Variants in ZNF804B observed in about 807,000 individuals in gnomAD.
The protein encoded by ZNF804B is zinc finger 804B.
Under a neutral mutation model 101.4 loss-of-function variants are expected in ZNF804B, and 80 were observed. The ratio of observed to expected loss-of-function variants is 0.79; its 90% CI spans 0.66 to 0.95. The LOEUF is 0.95. Among genes scored for constraint, ZNF804B ranks in the 40% least tolerant of loss-of-function variants. The pLI is 0.00. For missense variants in ZNF804B, 1,673 were observed against 1,561.9 expected, an observed-to-expected ratio of 1.07 and a Z score of -1.20; for synonymous variants, 622 against 558.8, an observed-to-expected ratio of 1.11 and a Z score of -1.59.
At chr7:89,252,761 C>A (rs571875643) in intron 2 of ZNF804B, among the ~76,000 whole-genome samples, 1 of 152,250 alleles carries the variant, frequency 6.6e-6, no homozygotes, top group Non-Finnish European at 1.5e-5. Context: ...AGACCATTAT[C>A]CTAAACGAAT....
Position 88,772,088 on chromosome 7 carries a change from A to G in ZNF804B, c.108+12004A>G, listed in dbSNP as rs77186308. The stretch of plus-strand genomic sequence containing the variant: ...ATAAAGCCCAAACAATGCTGATTTA[A>G]ATGAATTTAAATAGATTTAAAGAAT... On this transcript the variant is annotated intron_variant, in intron 1 of 3. Transcript: ENST00000333190. 7.4e-4 allele frequency among the ~76,000 whole-genome samples: 113 copies of G among 152,262 alleles called. 2 individuals carry two copies. The East Asian group carries it at 0.019, about 26-fold the overall frequency.
intron 1 of ZNF804B, among the ~76,000 whole-genome samples, chr7:88,778,544 A>T (rs1022860798): frequency 6.6e-6 from 1 of 152,166 alleles, no homozygotes; most frequent in African/African-American, 2.4e-5. Flanking sequence ...CAAACATGTA[A>T]TCTTTAAAAC....
intron 1 of ZNF804B, among the ~76,000 whole-genome samples, chr7:89,188,059 T>A (rs1313826936): frequency 6.6e-6 from 1 of 151,764 alleles, no homozygotes; most frequent in African/African-American, 2.4e-5. Context: ...AGATACTGCA[T>A]TTTTTTTCTT....
chr7:89,251,343 T>A (rs1354436363), intron 2 of ZNF804B, among the ~76,000 whole-genome samples: 1 of 151,916 alleles, frequency 6.6e-6, no homozygotes, highest in East Asian at 1.9e-4. Context: ...TCATTTACAA[T>A]AGCCACAAAA....
intron 1 of ZNF804B, among the ~76,000 whole-genome samples, chr7:89,034,548 G>T (rs1788893885): frequency 6.6e-6 from 1 of 152,066 alleles, no homozygotes; most frequent in Admixed American, 6.6e-5. Flanking sequence ...ATGGCTTCCA[G>T]CTTCATCCAT....
chr7:88,933,247 C>T (rs1792916604), intron 1 of ZNF804B, among the ~76,000 whole-genome samples: 1 of 151,598 alleles, frequency 6.6e-6, no homozygotes, highest in Non-Finnish European at 1.5e-5. Context: ...ATTTAATATC[C>T]CTTTATAATA....
At chr7:89,096,259 C>T (rs1789971160) in intron 1 of ZNF804B, among the ~76,000 whole-genome samples, 1 of 151,880 alleles carries the variant, frequency 6.6e-6, no homozygotes, top group Non-Finnish European at 1.5e-5. Flanking sequence ...TGTGATGATG[C>T]ATGGCAGCTC....
At chr7:88,765,471 G>A (rs567228083) in intron 1 of ZNF804B, among the ~76,000 whole-genome samples, 1 of 152,246 alleles carries the variant, frequency 6.6e-6, no homozygotes, top group East Asian at 1.9e-4. Flanking sequence ...AGCTTGAAAT[G>A]CCAGTTGGTT....
intron 1 of ZNF804B, among the ~76,000 whole-genome samples, chr7:89,154,626 A>G (rs747920293): frequency 1.6e-4 from 24 of 152,148 alleles, no homozygotes; most frequent in Non-Finnish European, 3.5e-4. Context: ...GACAAACATC[A>G]CATGTTCTCA....
intron 1 of ZNF804B, among the ~76,000 whole-genome samples, chr7:89,085,550 G>T (rs1487310216): frequency 6.6e-6 from 1 of 151,774 alleles, no homozygotes; most frequent in Non-Finnish European, 1.5e-5. Context: ...TGTGAGGTGG[G>T]TAAATTCAAT....
intron 1 of ZNF804B, among the ~76,000 whole-genome samples, chr7:88,924,458 A>G (rs886306581): frequency 2.0e-5 from 3 of 152,118 alleles, no homozygotes; most frequent in Non-Finnish European, 2.9e-5. Flanking sequence ...TTAATCATGT[A>G]TCTCAAGTGT....
chr7:89,038,590 A>C (rs1323777076), intron 1 of ZNF804B, among the ~76,000 whole-genome samples: 1 of 152,014 alleles, frequency 6.6e-6, no homozygotes, highest in Non-Finnish European at 1.5e-5. Flanking sequence ...ATGGTTTGCA[A>C]ATATTTTTGC....
At chr7:89,130,582 C>T (rs1790532615) in intron 1 of ZNF804B, among the ~76,000 whole-genome samples, 2 of 151,862 alleles carry the variant, frequency 1.3e-5, no homozygotes, top group South Asian at 4.1e-4. Flanking sequence ...GAAATAGCAT[C>T]ATGAAGGATA....
intron 2 of ZNF804B, among the ~76,000 whole-genome samples, chr7:89,310,917 G>A (rs1322663864): frequency 1.3e-5 from 2 of 152,108 alleles, no homozygotes; most frequent in Non-Finnish European, 2.9e-5. Flanking sequence ...CTTCATGTCA[G>A]GAACCACACA....
At position 89,267,940 on chromosome 7, in the gene ZNF804B, A is replaced by G. The variant is rs569384861; in HGVS notation, c.249+49645A>G. Among the ~76,000 whole-genome samples, 7 of 152,200 alleles carry G rather than the reference A, an allele frequency of 4.6e-5. No individual in the cohort carries two copies. In the East Asian group the frequency reaches 1.4e-3, roughly 29 times the overall value. The stretch of plus-strand genomic sequence containing the variant: ...GAAAATACAGATTGCACTTTAGGAT[A>G]ATGAAATTCACTGTCTTCAATATAT... On this transcript the variant is annotated intron_variant, in intron 2 of 3. Coordinates refer to ENST00000333190, the MANE Select transcript of ZNF804B (RefSeq NM_181646.5).
rs187592973 is a variant in ZNF804B at position 89,045,564 on chromosome 7, C to G, written c.109-172591C>G. 1.5e-3 allele frequency among the ~76,000 whole-genome samples: 223 copies of G among 152,316 alleles called. 6 individuals carry two copies. The highest frequency in any genetic ancestry group is 0.011 in the Admixed American group (166 of 15,300). On this transcript the variant is annotated intron_variant, in intron 1 of 3. Coordinates refer to ENST00000333190, the MANE Select transcript of ZNF804B (RefSeq NM_181646.5). The stretch of plus-strand genomic sequence containing the variant: ...TTCTCAAGGTGGTGGGAGCCCAACA[C>G]TTGCATCAGCATGACTTGGATGTGA...
At chr7:89,167,300 G>C (rs1008858030) in intron 1 of ZNF804B, among the ~76,000 whole-genome samples, 1 of 151,582 alleles carries the variant, frequency 6.6e-6, no homozygotes, top group Non-Finnish European at 1.5e-5. Flanking sequence ...AAAATTAGCC[G>C]GGCGTGGTGG....
intron 2 of ZNF804B, among the ~76,000 whole-genome samples, chr7:89,266,017 A>G (rs898169248): frequency 2.6e-5 from 4 of 152,234 alleles, no homozygotes; most frequent in African/African-American, 9.6e-5. Flanking sequence ...ACAATTAATG[A>G]AAGTATTCTG....
At chr7:88,927,391 G>A (rs1792820536) in intron 1 of ZNF804B, among the ~76,000 whole-genome samples, 1 of 152,122 alleles carries the variant, frequency 6.6e-6, no homozygotes, top group African/African-American at 2.4e-5. Flanking sequence ...GATCTGAGAG[G>A]CATTTTTATC....
Sources: allele counts gnomAD v4.1 joint callset (sites outside exome capture counted in the v4.1 genomes callset), GRCh38; gene constraint gnomAD v4.1.1; transcripts MANE v1.5; gene names NCBI Gene and HGNC (gene_info 2026-07-23, HGNC 2026-07-21).